Variants in NAV3 observed in about 807,000 individuals in gnomAD.
The protein encoded by NAV3 is pore membrane and/or filament interacting like protein 1.
A neutral mutation model predicts 244.7 loss-of-function variants in NAV3; 87 were observed. That is an observed-to-expected ratio of 0.36 (90% CI 0.30 to 0.42). The LOEUF (loss-of-function observed/expected upper bound fraction) is 0.42. NAV3 is among the 20% of genes least tolerant of loss of function. The probability of loss-of-function intolerance (pLI) is 1.00; values close to 1 mark genes in which losing one functional copy is unlikely to be tolerated. For synonymous variants in NAV3, 1,126 were observed against 1,042.2 expected, an observed-to-expected ratio of 1.08 and a Z score of -1.55; for missense variants, 2,663 against 2,893.3, an observed-to-expected ratio of 0.92 and a Z score of 1.83.
intron 2 of NAV3, among the ~76,000 whole-genome samples, chr12:77,729,185 G>T (rs1036613129): frequency 4.6e-5 from 7 of 151,930 alleles, no homozygotes; most frequent in South Asian, 2.1e-4. Context: ...CTGTGTAGGG[G>T]GTTGGCACCC....
chr12:78,139,074 G>A (rs934590146), intron 19 of NAV3, among the ~76,000 whole-genome samples: 2 of 150,060 alleles, frequency 1.3e-5, no homozygotes, highest in African/African-American at 4.9e-5. Flanking sequence ...AGTTTACGAG[G>A]GTATTATTAG....
chr12:77,616,766 A>T (rs917428934), intron 2 of NAV3, among the ~76,000 whole-genome samples: 3 of 152,028 alleles, frequency 2.0e-5, no homozygotes, highest in Non-Finnish European at 4.4e-5. Flanking sequence ...TTATGTATTA[A>T]AATATGCTCC....
intron 1 of NAV3, among the ~76,000 whole-genome samples, chr12:77,835,678 T>G (rs1316020980): frequency 6.6e-6 from 1 of 152,220 alleles, no homozygotes; most frequent in Non-Finnish European, 1.5e-5. Context: ...CCTTTAAAGT[T>G]TCCTATCAAT....
intron 2 of NAV3, among the ~76,000 whole-genome samples, chr12:77,719,814 G>T (rs1020184492): frequency 6.6e-6 from 1 of 152,092 alleles, no homozygotes; most frequent in Non-Finnish European, 1.5e-5. Flanking sequence ...TTCCTAAAAT[G>T]AGTTTGGAAG....
intron 22 of NAV3, among the ~76,000 whole-genome samples, chr12:78,158,162 T>C (rs1296844171): frequency 6.6e-6 from 1 of 152,196 alleles, no homozygotes; most frequent in Non-Finnish European, 1.5e-5. Flanking sequence ...GTCATCTTAT[T>C]CATGTCTTTC....
intron 4 of NAV3, among the ~76,000 whole-genome samples, chr12:77,967,616 T>C (rs1421491957): frequency 6.6e-6 from 1 of 152,174 alleles, no homozygotes; most frequent in Non-Finnish European, 1.5e-5. Context: ...TCAAGTTTTA[T>C]TTAAAATATG....
In NAV3 at chr12:77,888,746, T is replaced by C. The variant is rs559237688; in HGVS notation, c.244-51573T>C. ...CTGTATGTATTAAGCATTGTGTATG[T>C]GGGATGTGGAATTGGCATGAGTCAC... is the stretch of plus-strand genomic sequence containing the variant. On this transcript the variant is annotated intron_variant, in intron 1 of 39. Coordinates refer to ENST00000397909, the MANE Select transcript of NAV3 (RefSeq NM_001024383.2). 2.0e-5 allele frequency among the ~76,000 whole-genome samples: 3 copies of C among 152,256 alleles called. No homozygotes were observed. In the South Asian group the frequency reaches 6.2e-4, roughly 32 times the overall value.
intron 7 of NAV3, among the ~76,000 whole-genome samples, chr12:78,001,128 T>C (rs1873224716): frequency 6.6e-6 from 1 of 152,184 alleles, no homozygotes; most frequent in African/African-American, 2.4e-5. Flanking sequence ...AGTTGACCTC[T>C]ATCACAACTA....
At position 78,003,827 on chromosome 12, in the gene NAV3, A is replaced by G. The variant is rs545448210; in HGVS notation, c.881-2592A>G. Among the ~76,000 whole-genome samples the G allele has an allele frequency of 7.2e-5, 11 of 152,362 alleles. No homozygotes were observed. The East Asian group carries it at 2.1e-3, about 29-fold the overall frequency. ...GTTTTGCAAGTGTGAACGAATATCT[A>G]TTCTCACATCAACTCAGAGGAACAG... On this transcript the variant is annotated intron_variant, in intron 7 of 39. Coordinates refer to ENST00000397909, the MANE Select transcript of NAV3 (RefSeq NM_001024383.2).
chr12:78,004,914 A>G (rs1873935642), intron 7 of NAV3, among the ~76,000 whole-genome samples: 1 of 152,188 alleles, frequency 6.6e-6, no homozygotes, highest in Admixed American at 6.5e-5. Context: ...CATAATTCAG[A>G]GTCCCTCTTG....
intron 2 of NAV3, among the ~76,000 whole-genome samples, chr12:77,791,350 A>T (rs2139717): frequency 6.8e-6 from 1 of 147,176 alleles, no homozygotes; most frequent in African/African-American, 2.5e-5. Context: ...GCAAAACTCC[A>T]TCTCAAAAAA....
chr12:78,040,692 G>A (rs2137073831), intron 9 of NAV3, among the ~76,000 whole-genome samples: 1 of 152,210 alleles, frequency 6.6e-6, no homozygotes, highest in Middle Eastern at 3.4e-3. Flanking sequence ...AGGAATCTGT[G>A]TGAGGTCAAT....
chr12:78,048,090 G>A (rs1308460016), intron 9 of NAV3, among the ~76,000 whole-genome samples: 1 of 152,038 alleles, frequency 6.6e-6, no homozygotes, highest in Non-Finnish European at 1.5e-5. Flanking sequence ...CACTAAACTG[G>A]TTATTCTAGT....
intron 2 of NAV3, among the ~76,000 whole-genome samples, chr12:77,585,492 CA>C (rs59372019): frequency 0.58 from 87,627 of 151,792 alleles, 25,527 homozygotes; most frequent in Middle Eastern, 0.74. Context: ...AGGAAAAAGA[CA>C]AAAAATGAAA....
chr12:77,634,422 A>G (rs1872063233), intron 2 of NAV3, among the ~76,000 whole-genome samples: 1 of 152,212 alleles, frequency 6.6e-6, no homozygotes, highest in Non-Finnish European at 1.5e-5. Flanking sequence ...AGCCTATGTA[A>G]TAATTTCTTT....
intron 8 of NAV3, among the ~76,000 whole-genome samples, chr12:78,009,187 A>G (rs1263898007): frequency 6.6e-6 from 1 of 152,200 alleles, no homozygotes; most frequent in African/African-American, 2.4e-5. Flanking sequence ...AGGAAGCAGC[A>G]CAGCAGCACA....
At chr12:77,758,019 G>A (rs1869269606) in intron 2 of NAV3, among the ~76,000 whole-genome samples, 1 of 152,082 alleles carries the variant, frequency 6.6e-6, no homozygotes, top group African/African-American at 2.4e-5. Flanking sequence ...AACTACCTTG[G>A]ACTTCTTCAT....
At chr12:77,795,896 C>A (rs2135956211) in intron 2 of NAV3, among the ~76,000 whole-genome samples, 1 of 152,204 alleles carries the variant, frequency 6.6e-6, no homozygotes, top group East Asian at 1.9e-4. Context: ...ACTTTGGGGA[C>A]CTACTGCTTG....
At chr12:77,720,219 T>C (rs866509863) in intron 2 of NAV3, among the ~76,000 whole-genome samples, 3 of 152,110 alleles carry the variant, frequency 2.0e-5, no homozygotes, top group Non-Finnish European at 2.9e-5. Context: ...TTTTCTTTGG[T>C]TGAGTTATGT....
Sources: allele counts gnomAD v4.1 joint callset (sites outside exome capture counted in the v4.1 genomes callset), GRCh38; gene constraint gnomAD v4.1.1; transcripts MANE v1.5; gene names NCBI Gene and HGNC (gene_info 2026-07-23, HGNC 2026-07-21).